The following DEK variants were observed in gnomAD, a reference collection of about 807,000 sequenced individuals.
DEK encodes the protein protein DEK.
A neutral mutation model predicts 46.8 loss-of-function variants in DEK; 28 were observed. The observed-to-expected ratio is 0.60, with a 90% CI of 0.44 to 0.82. The LOEUF (loss-of-function observed/expected upper bound fraction) is 0.82. DEK is among the 40% of genes least tolerant of loss of function. The pLI is 0.00. For synonymous variants in DEK, 160 were observed against 144.5 expected, an observed-to-expected ratio of 1.11 and a Z score of -0.77; for missense variants, 416 against 430.6, an observed-to-expected ratio of 0.97 and a Z score of 0.30.
At chr6:18,232,480 A>C (rs944117448) in intron 9 of DEK, among the ~76,000 whole-genome samples, 37 of 152,218 alleles carry the variant, frequency 2.4e-4, no homozygotes, top group Non-Finnish European at 3.7e-4. Flanking sequence ...GTCTCAGCCC[A>C]AAATCTCCTT....
chr6:18,239,397 T>C (rs1230024354), intron 7 of DEK, among the ~76,000 whole-genome samples: 1 of 145,166 alleles, frequency 6.9e-6, no homozygotes, highest in Non-Finnish European at 1.5e-5. Flanking sequence ...TTACCCATGC[T>C]AGACTCAAAC....
In DEK at chr6:18,256,384, T is replaced by C. The variant is rs1353394871; in HGVS notation, c.429A>G (p.Lys143=). ...FPFEKGSVQY[K]KKEEMLKKFR... ...ACTTTTTCAACATTTCTTCCTTCTT[T>C]TTATATTGGACACTTCCTTTTTCAA... Residue 143 remains lysine, a synonymous_variant, in exon 5 of 11, where the codon AAA becomes AAG. Transcript: ENST00000652689. 1.9e-6 allele frequency: 3 copies of C among 1,613,062 alleles called. 1 individual carries two copies. The highest frequency in any genetic ancestry group is 2.2e-5 in the South Asian group (2 of 90,846).
chr6:18,245,680 C>A (rs982865686), intron 7 of DEK, among the ~76,000 whole-genome samples: 1 of 152,174 alleles, frequency 6.6e-6, no homozygotes, highest in Non-Finnish European at 1.5e-5. Context: ...CTGTACTCTG[C>A]AGTAATTTCT....
intron 6 of DEK, among the ~76,000 whole-genome samples, chr6:18,250,968 A>C (rs1320731560): frequency 6.6e-6 from 1 of 152,196 alleles, no homozygotes; most frequent in African/African-American, 2.4e-5. Context: ...GAAACTAAGA[A>C]TATGCTGCTA....
Position 18,236,473 on chromosome 6 carries a change from T to A in DEK, c.1026A>T (p.Thr342=). ...TTACCTTTTTGCAAATCTGTTTCAT[T>A]GTGACTTCTTCCAAGTTAGCACTGG... The part of the protein sequence containing the change: ...LLASANLEEV[T]MKQICKKVYE... The change falls in exon 9 of 11, where the codon ACA becomes ACT. Residue 342 remains threonine, a synonymous_variant. Transcript: ENST00000652689. 1 of 1,611,574 alleles carries A rather than the reference T, an allele frequency of 6.2e-7. No homozygotes were observed. The highest frequency in any genetic ancestry group is 1.3e-5 in the African/African-American group (1 of 74,892).
At chr6:18,251,510 G>C (rs1791372931) in intron 6 of DEK, among the ~76,000 whole-genome samples, 1 of 152,138 alleles carries the variant, frequency 6.6e-6, no homozygotes, top group African/African-American at 2.4e-5. Flanking sequence ...AGGCACACTA[G>C]GAAACAGCAA....
chr6:18,252,924 T>C (rs1044661959), intron 6 of DEK, among the ~76,000 whole-genome samples: 2 of 152,232 alleles, frequency 1.3e-5, no homozygotes, highest in Non-Finnish European at 2.9e-5. Context: ...ATGTCCTTGA[T>C]AAAACAATAA....
At position 18,236,491 on chromosome 6, in the gene DEK, A is replaced by G. The variant is rs985995668; in HGVS notation, c.1008T>C (p.Ala336=). ...KETIKKLLAS[A]NLEEVTMKQI... Reference sequence around the variant, plus strand: ...GTTTCATTGTGACTTCTTCCAAGTTAGCACTGGCCAGTAATTTCTTTATTG... The same window carrying G: ...GTTTCATTGTGACTTCTTCCAAGTTGGCACTGGCCAGTAATTTCTTTATTG... Residue 336 remains alanine (A), a synonymous_variant, in exon 9 of 11, where the codon GCT becomes GCC. Transcript: ENST00000652689. 7 of 1,609,868 alleles carry G rather than the reference A, an allele frequency of 4.3e-6. No individual in the cohort carries two copies. The African/African-American group carries it at 9.4e-5, about 22-fold the overall frequency.
rs559627709 is a variant in DEK, at chr6:18,225,454, G to A, written c.*265C>T. On this transcript the variant is annotated 3_prime_UTR_variant, in exon 11 of 11. Transcript: ENST00000652689. ...TCAAGAATCTATGACCTTATATAAA[G>A]AAATCCAAAATGTACAAAATACAAC... is the stretch of plus-strand genomic sequence containing the variant. 1 of 410,252 alleles carries A rather than the reference G, an allele frequency of 2.4e-6. No individual in the cohort carries two copies. Among genetic ancestry groups the A allele is most frequent in the Non-Finnish European group, 4.4e-6 (1 of 229,666 alleles). 25.4% of individuals were successfully genotyped at this position (410,252 alleles called of 1,614,324 possible).
At chr6:18,227,514 C>G (rs1790194293) in intron 9 of DEK, among the ~76,000 whole-genome samples, 1 of 152,136 alleles carries the variant, frequency 6.6e-6, no homozygotes, top group Non-Finnish European at 1.5e-5. Context: ...CCGAGAAACA[C>G]CCAAGAATGA....
At chr6:18,239,074 G>T (rs1374588434) in intron 7 of DEK, among the ~76,000 whole-genome samples, 1 of 152,052 alleles carries the variant, frequency 6.6e-6, no homozygotes, top group South Asian at 2.1e-4. Flanking sequence ...ACAGGCATGC[G>T]CCACCACACC....
At chr6:18,243,726 T>C (rs1186076434) in intron 7 of DEK, among the ~76,000 whole-genome samples, 1 of 152,234 alleles carries the variant, frequency 6.6e-6, no homozygotes, top group Non-Finnish European at 1.5e-5. Context: ...TTGGAAAATA[T>C]CTTCTGTAAC....
In DEK at chr6:18,249,681, T is replaced by C. The variant is rs942981432; in HGVS notation, c.732A>G (p.Ser244=). 5.0e-6 allele frequency: 8 copies of C among 1,597,606 alleles called. No individual in the cohort carries two copies. Among genetic ancestry groups the C allele is most frequent in the Non-Finnish European group, 6.8e-6 (8 of 1,175,598 alleles). ...CTTCACTTTCTTTATCTTCATCATCTGAAGACTCTTCCTTGTTTTTCTTTT... is the reference window on the plus strand; with the variant it reads ...CTTCACTTTCTTTATCTTCATCATCCGAAGACTCTTCCTTGTTTTTCTTTT... ...EDEKKNKEES[S]DDEDKESEEE... The change falls in exon 7 of 11, where the codon TCA becomes TCG. Residue 244 remains serine (S), a synonymous_variant. Coordinates refer to ENST00000652689, the MANE Select transcript of DEK (RefSeq NM_003472.4).
intron 10 of DEK, 146 bp downstream of exon 10, chr6:18,226,025 GAGA>G (rs2151074944): frequency 1.2e-6 from 1 of 827,386 alleles, no homozygotes; most frequent in East Asian, 3.2e-5. Context: ...AAGTGGGAAT[GAGA>G]AGAAATAAAT....
chr6:18,228,991 G>A (rs1264350371), intron 9 of DEK, among the ~76,000 whole-genome samples: 3 of 152,198 alleles, frequency 2.0e-5, no homozygotes, highest in Admixed American at 2.0e-4. Flanking sequence ...CTAACTGGGA[G>A]ACACCTCCCA....
chr6:18,247,284 G>C (rs1409838014), intron 7 of DEK, among the ~76,000 whole-genome samples: 4 of 152,114 alleles, frequency 2.6e-5, no homozygotes, highest in Admixed American at 2.0e-4. Context: ...AAAAAAAGGG[G>C]GGGAAACAAT....
intron 2 of DEK, among the ~76,000 whole-genome samples, chr6:18,263,131 C>T (rs1791951177): frequency 6.6e-6 from 1 of 152,098 alleles, no homozygotes; most frequent in African/African-American, 2.4e-5. Flanking sequence ...GATAAACTGC[C>T]GCAGCACACT....
chr6:18,239,106 T>A (rs951104377), intron 7 of DEK, among the ~76,000 whole-genome samples: 12 of 152,200 alleles, frequency 7.9e-5, no homozygotes, highest in African/African-American at 2.4e-4. Flanking sequence ...GTATTTTTAG[T>A]AGAGACGGGG....
chr6:18,227,175 G>A (rs926133416), intron 9 of DEK, among the ~76,000 whole-genome samples: 3 of 152,178 alleles, frequency 2.0e-5, no homozygotes, highest in Non-Finnish European at 2.9e-5. Context: ...TCTGTGCTGA[G>A]GAGGGTTAGT....
Sources: gnomAD v4.1 joint callset for allele counts (sites outside exome capture counted in the v4.1 genomes callset) on GRCh38, gnomAD v4.1.1 for gene constraint, MANE v1.5 for transcripts, NCBI Gene and HGNC (gene_info 2026-07-23, HGNC 2026-07-21) for gene names.